SGCG: variants seen among roughly 807,000 people sequenced by gnomAD.
SGCG encodes the protein sarcoglycan gamma, also known as gamma-sarcoglycan.
Under a neutral mutation model 29.3 loss-of-function variants are expected in SGCG, and 26 were observed. The ratio of observed to expected loss-of-function variants is 0.89; its 90% confidence interval spans 0.65 to 1.23. The LOEUF is 1.23. Ranked by LOEUF, SGCG falls within the 50% of genes most tolerant of loss-of-function variation. SGCG has a pLI of 0.00. For synonymous variants in SGCG, 145 were observed against 129.7 expected, an observed-to-expected ratio of 1.12 and a Z score of -0.80; for missense variants, 353 against 356.0, an observed-to-expected ratio of 0.99 and a Z score of 0.07.
intron 2 of SGCG, among the ~76,000 whole-genome samples, chr13:23,211,772 C>G (rs1593175342): frequency 6.6e-6 from 1 of 152,182 alleles, no homozygotes; most frequent in African/African-American, 2.4e-5. Flanking sequence ...GCAGACAGTT[C>G]TCTCTTGCTT....
chr13:23,179,282 T>G (rs1258029755), upstream of SGCG, among the ~76,000 whole-genome samples: 1 of 152,232 alleles, frequency 6.6e-6, no homozygotes, highest in African/African-American at 2.4e-5. Context: ...ATCAAAGGCT[T>G]CTTTATGTGA....
chr13:23,295,589 T>C (rs1222063399), intron 6 of SGCG, 102 bp downstream of exon 6: 5 of 841,232 alleles, frequency 5.9e-6, no homozygotes, highest in Non-Finnish European at 1.0e-5. Context: ...TGTTTCTTAT[T>C]TCATCAGTTG....
intron 5 of SGCG, among the ~76,000 whole-genome samples, chr13:23,280,611 G>A (rs1216113965): frequency 2.0e-5 from 3 of 152,236 alleles, no homozygotes; most frequent in Non-Finnish European, 4.4e-5. Flanking sequence ...GCACTGTTGT[G>A]TAGGATAAAG....
chr13:23,257,639 G>A (rs554906027), intron 4 of SGCG, among the ~76,000 whole-genome samples: 2 of 152,134 alleles, frequency 1.3e-5, no homozygotes, highest in East Asian at 1.9e-4. Flanking sequence ...TGTCCTGAAT[G>A]TTATTGCCTA....
In SGCG at chr13:23,228,617, C is replaced by CCCACCCT. The variant is rs528519159; in HGVS notation, c.196-5985_196-5979dup. 1.3e-3 allele frequency among the ~76,000 whole-genome samples: 201 copies of CCCACCCT among 152,204 alleles called. 1 individual carries two copies. The highest frequency in any genetic ancestry group is 4.6e-3 in the African/African-American group (192 of 41,528). ...TTTGTTTTTTGAACCTCTCCCTCCT[C>CCCACCCT]CCACCCTCCACCCTCAATTAGGTCC... On this transcript the variant is annotated intron_variant, in intron 2 of 7. Transcript: ENST00000218867.
chr13:23,313,510 A>AG (rs1882683635), intron 6 of SGCG, among the ~76,000 whole-genome samples: 1 of 152,198 alleles, frequency 6.6e-6, no homozygotes, highest in Non-Finnish European at 1.5e-5. Context: ...AGCAATAACT[A>AG]TTAAGGTCAT....
At position 23,273,341 on chromosome 13, in the gene SGCG, T is replaced by C. The variant is rs146220734; in HGVS notation, c.386-6018T>C. Among the ~76,000 whole-genome samples, 1,043 of 152,242 alleles carry C rather than the reference T, an allele frequency of 6.9e-3. 7 individuals are homozygous for C. The highest frequency in any genetic ancestry group is 0.024 in the African/African-American group (1,010 of 41,548). On this transcript the variant is annotated intron_variant, in intron 4 of 7. Transcript: ENST00000218867. Reference sequence around the variant, plus strand: ...CTGGGATTACAGGCATGTACCATCATGCCCAGCTAATTTTTGTATTTTTAG... The same window carrying C: ...CTGGGATTACAGGCATGTACCATCACGCCCAGCTAATTTTTGTATTTTTAG...
chr13:23,285,368 T>C (rs556215220), intron 5 of SGCG, among the ~76,000 whole-genome samples: 2 of 152,284 alleles, frequency 1.3e-5, no homozygotes, highest in South Asian at 4.2e-4. Flanking sequence ...TCGGTGGGGA[T>C]CCACCTAGGT....
chr13:23,247,814 G>A (rs1425626642), intron 3 of SGCG, among the ~76,000 whole-genome samples: 2 of 149,080 alleles, frequency 1.3e-5, no homozygotes, highest in Non-Finnish European at 3.0e-5. Context: ...AGCTGGGTGT[G>A]GTGGCACACA....
intron 1 of SGCG, among the ~76,000 whole-genome samples, chr13:23,196,683 T>C (rs1357013207): frequency 6.6e-6 from 1 of 152,202 alleles, no homozygotes; most frequent in Admixed American, 6.5e-5. Flanking sequence ...GTCCTATCTT[T>C]AAGGCAAATA....
At chr13:23,287,756 G>GT (rs1555244429) in intron 5 of SGCG, among the ~76,000 whole-genome samples, 1 of 151,774 alleles carries the variant, frequency 6.6e-6, no homozygotes, top group African/African-American at 2.4e-5. Context: ...TTGTTTGTTT[G>GT]TTTGTTTTGT....
At chr13:23,308,541 G>A (rs1222142361) in intron 6 of SGCG, among the ~76,000 whole-genome samples, 1 of 151,850 alleles carries the variant, frequency 6.6e-6, no homozygotes, top group Non-Finnish European at 1.5e-5. Context: ...GAGTTGTATT[G>A]GCTGTTTTTA....
intron 5 of SGCG, among the ~76,000 whole-genome samples, chr13:23,281,750 G>C (rs1167597806): frequency 6.6e-6 from 1 of 152,146 alleles, no homozygotes; most frequent in Non-Finnish European, 1.5e-5. Context: ...TCACAGTAGG[G>C]TTCGCACTCC....
At chr13:23,284,356 G>A (rs1881418764) in intron 5 of SGCG, among the ~76,000 whole-genome samples, 1 of 149,712 alleles carries the variant, frequency 6.7e-6, no homozygotes, top group African/African-American at 2.5e-5. Flanking sequence ...TGATTAAGTT[G>A]ATCTTCAATC....
At chr13:23,307,601 G>GT (rs1882406207) in intron 6 of SGCG, among the ~76,000 whole-genome samples, 1 of 151,894 alleles carries the variant, frequency 6.6e-6, no homozygotes, top group South Asian at 2.1e-4. Flanking sequence ...AACTGTATGG[G>GT]TTTTTTTCAA....
chr13:23,290,581 G>T (rs1481555418), intron 5 of SGCG, among the ~76,000 whole-genome samples: 1 of 152,194 alleles, frequency 6.6e-6, no homozygotes, highest in Non-Finnish European at 1.5e-5. Flanking sequence ...AAGGCAGGTT[G>T]AAGTGGTTAC....
In SGCG at chr13:23,313,267, C is replaced by A. The variant is rs996765099; in HGVS notation, c.579-7370C>A. Among the ~76,000 whole-genome samples the A allele has an allele frequency of 2.6e-5, 4 of 151,742 alleles. No individual in the cohort carries two copies. The South Asian group carries it at 8.3e-4, about 31-fold the overall frequency. On this transcript the variant is annotated intron_variant, in intron 6 of 7. Coordinates refer to ENST00000218867, the MANE Select transcript of SGCG (RefSeq NM_000231.3). ...GCAGCCTCTGCCTCCTGGGTTCAAG[C>A]AATTCTCCTGCCTCAGCCTCCCAGG...
chr13:23,279,512 A>G (rs774529883), intron 5 of SGCG, 34 bp downstream of exon 5: 5 of 1,603,806 alleles, frequency 3.1e-6, no homozygotes, highest in Middle Eastern at 1.7e-4. Flanking sequence ...ACAACATTCC[A>G]TGGAGTACAC....
In SGCG at chr13:23,314,382, T is replaced by TTA. The variant is rs201480793; in HGVS notation, c.579-6230_579-6229dup. Among the ~76,000 whole-genome samples the TTA allele has an allele frequency of 5.1e-3, 400 of 78,606 alleles. 6 individuals carry two copies. Among genetic ancestry groups the TTA allele is most frequent in the African/African-American group, 0.017 (304 of 17,648 alleles). The allele number at this position is 78,606 out of a possible 152,430, so 51.6% of individuals were successfully genotyped here. A position where few individuals can be genotyped will look rare whatever the true frequency, so the allele number is the denominator to read the frequency against. ...TAAATGAAATGATGTCTGCTATAGG[T>TTA]TATATATATATATATATATATATAT... is the stretch of plus-strand genomic sequence containing the variant. On this transcript the variant is annotated intron_variant, in intron 6 of 7. Coordinates refer to ENST00000218867, the MANE Select transcript of SGCG (RefSeq NM_000231.3).
Sources: allele counts gnomAD v4.1 joint callset (sites outside exome capture counted in the v4.1 genomes callset), GRCh38; gene constraint gnomAD v4.1.1; transcripts MANE v1.5; gene names NCBI Gene and HGNC (gene_info 2026-07-23, HGNC 2026-07-21).